IKBKB: variants seen among roughly 807,000 people sequenced by gnomAD.
The protein encoded by IKBKB is inhibitor of nuclear factor kappa B kinase subunit beta.
Under a neutral mutation model 113.6 loss-of-function variants are expected in IKBKB, and 42 were observed. The observed-to-expected ratio is 0.37, with a 90% CI of 0.29 to 0.48. IKBKB has a LOEUF of 0.48. Among genes scored for constraint, IKBKB ranks in the 20% least tolerant of loss-of-function variants. The pLI, the probability that IKBKB is intolerant of heterozygous loss-of-function variation, is 0.99. For synonymous variants in IKBKB, 296 were observed against 361.3 expected, an observed-to-expected ratio of 0.82 and a Z score of 2.05; for missense variants, 673 against 939.7, an observed-to-expected ratio of 0.72 and a Z score of 3.71.
At chr8:42,276,588 A>G (rs1487872042) in intron 2 of IKBKB, among the ~76,000 whole-genome samples, 1 of 152,088 alleles carries the variant, frequency 6.6e-6, no homozygotes, top group Non-Finnish European at 1.5e-5. Flanking sequence ...TGCTGTGCAG[A>G]AGCTTTTTAG....
intron 9 of IKBKB, among the ~76,000 whole-genome samples, chr8:42,315,641 G>A (rs1818539652): frequency 6.6e-6 from 1 of 151,362 alleles, no homozygotes; most frequent in Non-Finnish European, 1.5e-5. Context: ...AAACCTCATG[G>A]GTTATTCTTT....
rs533622396 is a variant in IKBKB, at chr8:42,283,402, T to A, written c.106-5232T>A. Among the ~76,000 whole-genome samples the A allele has an allele frequency of 1.7e-4, 26 of 152,258 alleles. No individual in the cohort carries two copies. In the South Asian group the frequency reaches 5.2e-3, roughly 30 times the overall value. ...TTAAGGTTGCAGATGAAATTAAGTT[T>A]TCTAATCAGCTGACCTTAGAGATTG... is the stretch of plus-strand genomic sequence containing the variant. On this transcript the variant is annotated intron_variant, in intron 2 of 21. Transcript: ENST00000520810.
intron 13 of IKBKB, 54 bp downstream of exon 13, chr8:42,318,729 C>G: frequency 6.6e-7 from 1 of 1,520,610 alleles, no homozygotes; most frequent in Non-Finnish European, 8.8e-7. Flanking sequence ...TCCTTGGTGG[C>G]TTTGGCCACA....
intron 19 of IKBKB, 57 bp from the exon 20 acceptor site, chr8:42,325,913 G>A: frequency 6.2e-7 from 1 of 1,607,130 alleles, no homozygotes; most frequent in Non-Finnish European, 8.5e-7. Context: ...ACTGTGGCGT[G>A]AATGCAAAAT....
intron 21 of IKBKB, chr8:42,329,910 C>T: frequency 1.0e-6 from 1 of 985,458 alleles, no homozygotes; most frequent in Non-Finnish European, 1.2e-6. Context: ...CCTCCCCTAA[C>T]TTTAAGCTTT....
chr8:42,276,780 T>C (rs9693080), intron 2 of IKBKB, among the ~76,000 whole-genome samples: 40,207 of 150,464 alleles, frequency 0.27, 11,087 homozygotes, highest in African/African-American at 0.71. Context: ...CTGCAGCCTC[T>C]ATCTCCTGGG....
At chr8:42,283,355 G>A (rs1165950351) in intron 2 of IKBKB, among the ~76,000 whole-genome samples, 4 of 152,128 alleles carry the variant, frequency 2.6e-5, no homozygotes, top group Non-Finnish European at 5.9e-5. Flanking sequence ...ATGACTGGGT[G>A]GGGCAGCATG....
chr8:42,319,505 T>C, intron 14 of IKBKB, 80 bp from the exon 15 acceptor site: 1 of 1,588,860 alleles, frequency 6.3e-7, no homozygotes, highest in African/African-American at 1.3e-5. Flanking sequence ...CCTATTATAA[T>C]TGAGTTGCTT....
Position 42,330,219 on chromosome 8 carries a change from C to T in IKBKB, c.2206-695C>T, listed in dbSNP as rs116683779. 1.1e-3 allele frequency: 1,041 copies of T among 985,400 alleles called. 10 individuals are homozygous for T. In the African/African-American group the frequency reaches 0.017, roughly 16 times the overall value. The allele number at this position is 985,400 out of a possible 1,614,324, so 61.0% of individuals were successfully genotyped here. A position where few individuals can be genotyped will look rare whatever the true frequency, so the allele number is the denominator to read the frequency against. On this transcript the variant is annotated intron_variant, in intron 21 of 21. Coordinates refer to ENST00000520810, the MANE Select transcript of IKBKB (RefSeq NM_001556.3). ...GTCGACTTTCTAATTCCCACAGTCA[C>T]AGAATCTCAAGGACTCTGAGCCAAT...
rs753751753 is a variant in IKBKB, at chr8:42,314,418, T to A, written c.789T>A (p.Asn263Lys). ...VKFSSSLPYPNNLNSVLAERL... is the reference protein window; with the variant it reads ...VKFSSSLPYPKNLNSVLAERL... ...TTTCAAGCTCTTTACCCTACCCCAATAATCTTAACAGGTAAGGCACAGCGG... is the reference window on the plus strand; with the variant it reads ...TTTCAAGCTCTTTACCCTACCCCAAAAATCTTAACAGGTAAGGCACAGCGG... Residue 263 changes from asparagine to lysine, a missense_variant, in exon 9 of 22, where the codon AAT becomes AAA. By Grantham distance (94) the Asn-to-Lys change is moderately conservative. This residue lies in a region of IKBKB where 506 missense variants were observed against 638.7 expected (regional missense o/e 0.79). Transcript: ENST00000520810. The A allele has an allele frequency of 1.3e-6, 2 of 1,596,102 alleles. No individual in the cohort carries two copies. Among genetic ancestry groups the A allele is most frequent in the South Asian group, 2.2e-5 (2 of 90,704 alleles).
intron 5 of IKBKB, among the ~76,000 whole-genome samples, chr8:42,302,697 A>ACCT: frequency 6.6e-6 from 1 of 152,192 alleles, no homozygotes; most frequent in South Asian, 2.1e-4. Context: ...CATATAAGGT[A>ACCT]TATATGAAAC....
intron 5 of IKBKB, among the ~76,000 whole-genome samples, chr8:42,299,249 C>T (rs1195029880): frequency 6.6e-6 from 1 of 152,202 alleles, no homozygotes; most frequent in African/African-American, 2.4e-5. Context: ...CTGCTCATAG[C>T]CTTGCATTAC....
chr8:42,321,811 G>A, intron 16 of IKBKB, 85 bp from the exon 17 acceptor site: 1 of 943,472 alleles, frequency 1.1e-6, no homozygotes, highest in East Asian at 2.5e-5. Flanking sequence ...TGGGCAACAT[G>A]GTGAAACTCT....
rs774313090 is a variant in IKBKB, at chr8:42,316,050, C to T, written c.801-160C>T. Among the ~76,000 whole-genome samples the T allele has an allele frequency of 6.6e-6, 1 of 152,192 alleles. No individual in the cohort carries two copies. The highest frequency in any genetic ancestry group is 1.5e-5 in the Non-Finnish European group (1 of 68,032). Reference sequence around the variant, plus strand: ...GAATTCAGGAGAGAGGTGTGAACACCTGAATAATTGATTGGAAATGTTTAT... The same window carrying T: ...GAATTCAGGAGAGAGGTGTGAACACTTGAATAATTGATTGGAAATGTTTAT... On this transcript the variant is annotated intron_variant, in intron 9 of 21. Coordinates refer to ENST00000520810, the MANE Select transcript of IKBKB (RefSeq NM_001556.3). The surrounding 1 kb of genome is among the most constrained non-coding windows in gnomAD (Gnocchi z 4.5).
At chr8:42,317,251 C>T (rs1818879263) in intron 11 of IKBKB, 4 of 421,486 alleles carry the variant, frequency 9.5e-6, no homozygotes, top group South Asian at 6.6e-5. Flanking sequence ...CTTGAGTCAA[C>T]TGAAAGTATT....
At chr8:42,310,001 T>G (rs1008680746) in intron 8 of IKBKB, among the ~76,000 whole-genome samples, 83 of 152,364 alleles carry the variant, frequency 5.4e-4, no homozygotes, top group African/African-American at 1.9e-3. Context: ...ATTAGCTCAA[T>G]GTAGCCATCC....
intron 2 of IKBKB, among the ~76,000 whole-genome samples, chr8:42,279,687 C>G (rs1369003477): frequency 6.6e-6 from 1 of 152,134 alleles, no homozygotes; most frequent in East Asian, 1.9e-4. Context: ...AGGATTGGAA[C>G]CTGCGTCTGT....
In IKBKB at chr8:42,331,229, G is replaced by T. The variant is rs1360248958; in HGVS notation, c.*250G>T. 4.2e-6 allele frequency: 3 copies of T among 715,450 alleles called. No homozygotes were observed. The African/African-American group carries it at 5.2e-5, about 12-fold the overall frequency. 44.3% of individuals were successfully genotyped at this position (715,450 alleles called of 1,614,324 possible). On this transcript the variant is annotated 3_prime_UTR_variant, in exon 22 of 22. Coordinates refer to ENST00000520810, the MANE Select transcript of IKBKB (RefSeq NM_001556.3). ...CAGGACGCAGCCCTCCGTGGGCACTGCCGGCGCCTTGTCTGCACACTGGAG... is the reference window on the plus strand; with the variant it reads ...CAGGACGCAGCCCTCCGTGGGCACTTCCGGCGCCTTGTCTGCACACTGGAG...
chr8:42,303,335 A>C (rs906692974), intron 5 of IKBKB, among the ~76,000 whole-genome samples: 1 of 152,176 alleles, frequency 6.6e-6, no homozygotes, highest in Non-Finnish European at 1.5e-5. Flanking sequence ...GCCTGTTCTA[A>C]TGTGGCACTA....
Sources: gnomAD v4.1 joint callset for allele counts (sites outside exome capture counted in the v4.1 genomes callset) on GRCh38, gnomAD v4.1.1 for gene constraint, gnomAD v4.1.1 regional missense constraint, Gnocchi (gnomAD v3.1) non-coding constraint, MANE v1.5 for transcripts, NCBI Gene and HGNC (gene_info 2026-07-23, HGNC 2026-07-21) for gene names.